Variants in CACNA1C observed in about 807,000 individuals in gnomAD.
CACNA1C encodes calcium voltage-gated channel subunit alpha1 C, also known as voltage-dependent L-type calcium channel subunit alpha-1C.
CACNA1C carries 30 observed loss-of-function variants against 229.0 expected under a neutral mutation model. The observed-to-expected ratio is 0.13, with a 90% confidence interval of 0.10 to 0.18. The LOEUF is 0.18. CACNA1C is among the 10% of genes least tolerant of loss of function. The pLI is 1.00. For missense variants in CACNA1C, 1,658 were observed against 2,845.0 expected, an observed-to-expected ratio of 0.58 and a Z score of 9.49; for synonymous variants, 1,114 against 1,132.5, an observed-to-expected ratio of 0.98 and a Z score of 0.33.
chr12:2,642,444 T>C (rs143816715), intron 30 of CACNA1C, among the ~76,000 whole-genome samples: 131 of 152,292 alleles, frequency 8.6e-4, no homozygotes, highest in Middle Eastern at 6.8e-3. Context: ...AACCTGCTGC[T>C]GGGGTTCTTT....
chr12:2,350,054 C>CCT (rs915196932), intron 3 of CACNA1C, among the ~76,000 whole-genome samples: 9 of 152,168 alleles, frequency 5.9e-5, no homozygotes, highest in African/African-American at 2.2e-4. Context: ...CTATGACACC[C>CCT]CTCTTAGGAG....
At chr12:2,016,030 C>T (rs2045300568) in intron 1 of CACNA1C, among the ~76,000 whole-genome samples, 1 of 152,196 alleles carries the variant, frequency 6.6e-6, no homozygotes, top group Non-Finnish European at 1.5e-5. Flanking sequence ...AGGCAATGCT[C>T]TTTCTACCAG....
chr12:2,361,875 C>G (rs1373994084), intron 3 of CACNA1C, among the ~76,000 whole-genome samples: 1 of 152,194 alleles, frequency 6.6e-6, no homozygotes, highest in Non-Finnish European at 1.5e-5. Flanking sequence ...TAGACTTTTG[C>G]TATAACATAG....
intron 3 of CACNA1C, among the ~76,000 whole-genome samples, chr12:2,168,058 G>A (rs1566101757): frequency 6.6e-6 from 1 of 152,218 alleles, no homozygotes; most frequent in Non-Finnish European, 1.5e-5. Context: ...GTCAGTTTGT[G>A]TGTGGGGGGG....
chr12:2,675,721 T>A (rs142001882), intron 39 of CACNA1C, among the ~76,000 whole-genome samples: 1 of 152,366 alleles, frequency 6.6e-6, no homozygotes, highest in East Asian at 1.9e-4. Context: ...AATGAAATTA[T>A]GTTCCGAGCC....
chr12:2,072,802 C>T lies in CACNA1C; in HGVS notation c.49+19191C>T, dbSNP rs113555621. Among the ~76,000 whole-genome samples, 14 of 152,186 alleles carry T rather than the reference C, an allele frequency of 9.2e-5. 1 individual carries two copies. Among genetic ancestry groups the T allele is most frequent in the African/African-American group, 2.2e-4 (9 of 41,492 alleles). Reference sequence around the variant, plus strand: ...ATTCTACTACCTTCATTTAGGGAACCGAAGACAGGGCAGACTGTCAGTCAA... The same window carrying T: ...ATTCTACTACCTTCATTTAGGGAACTGAAGACAGGGCAGACTGTCAGTCAA... On this transcript the variant is annotated intron_variant, in intron 1 of 46. Coordinates refer to ENST00000399655, the MANE Select transcript of CACNA1C (RefSeq NM_000719.7).
chr12:2,288,093 C>T (rs895673012), intron 3 of CACNA1C: 1 of 152,114 alleles, frequency 6.6e-6, no homozygotes, highest in Non-Finnish European at 1.5e-5. Context: ...CAAAGGGAAC[C>T]GAGCCCTGCC....
chr12:2,315,143 A>G (rs1457996265), intron 3 of CACNA1C, among the ~76,000 whole-genome samples: 2 of 152,230 alleles, frequency 1.3e-5, no homozygotes, highest in East Asian at 1.9e-4. Context: ...CTTTCCCCCA[A>G]CCCATTCTAT....
rs1229015625 is a variant in CACNA1C, at chr12:2,608,443, G to A, written c.3357-68G>A. On this transcript the variant is annotated intron_variant, in intron 26 of 46. Coordinates refer to ENST00000399655, the MANE Select transcript of CACNA1C (RefSeq NM_000719.7). This position sits in a 1 kb window ranked among gnomAD's most constrained non-coding sequence, Gnocchi z 4.2. The stretch of plus-strand genomic sequence containing the variant: ...GATCCCTGGGATCCCTGGAGCAGTG[G>A]TGCCGTCCTTCCGCAGAGGGGACCC... 8.3e-7 allele frequency: 1 copy of A among 1,209,464 alleles called. No homozygotes were observed. Among genetic ancestry groups the A allele is most frequent in the Non-Finnish European group, 1.2e-6 (1 of 856,330 alleles). 74.9% of individuals were successfully genotyped at this position (1,209,464 alleles called of 1,614,324 possible). A position where few individuals can be genotyped will look rare whatever the true frequency, so the allele number is the denominator to read the frequency against.
At chr12:2,395,560 G>A (rs527934571) in intron 3 of CACNA1C, among the ~76,000 whole-genome samples, 1 of 152,126 alleles carries the variant, frequency 6.6e-6, no homozygotes, top group South Asian at 2.1e-4. Context: ...GACTCAGTGC[G>A]CCCCCAGTGG....
chr12:2,316,496 A>C (rs1346080836), intron 3 of CACNA1C, among the ~76,000 whole-genome samples: 1 of 152,240 alleles, frequency 6.6e-6, no homozygotes, highest in African/African-American at 2.4e-5. Flanking sequence ...CTTCATGCAC[A>C]GCTGAAGCTG....
At chr12:2,118,012 G>A (rs1388185555) in intron 2 of CACNA1C, among the ~76,000 whole-genome samples, 1 of 152,220 alleles carries the variant, frequency 6.6e-6, no homozygotes, top group African/African-American at 2.4e-5. Context: ...CTCAAAAGGC[G>A]ACACAGAGCA....
At chr12:2,153,792 C>T (rs1193508719) in intron 3 of CACNA1C, among the ~76,000 whole-genome samples, 2 of 152,136 alleles carry the variant, frequency 1.3e-5, no homozygotes, top group Non-Finnish European at 2.9e-5. Flanking sequence ...ATGGTGCCTG[C>T]CTTGTCTATT....
rs1285123388 is a variant in CACNA1C, at chr12:2,215,461, C to T, written c.477+95031C>T. On this transcript the variant is annotated intron_variant, in intron 3 of 46. Transcript: ENST00000399655. This position sits in a 1 kb window ranked among gnomAD's most constrained non-coding sequence, Gnocchi z 5.0. ...CTCTGGGTGGGATGCGCTCTCCCTC[C>T]TCCTAGGCTTGGTTCCTCTCCTTCC... Among the ~76,000 whole-genome samples, 1 of 152,164 alleles carries T rather than the reference C, an allele frequency of 6.6e-6. No homozygotes were observed. The highest frequency in any genetic ancestry group is 1.5e-5 in the Non-Finnish European group (1 of 68,036).
At chr12:2,294,863 C>A (rs553327921) in intron 3 of CACNA1C, among the ~76,000 whole-genome samples, 28 of 152,062 alleles carry the variant, frequency 1.8e-4, no homozygotes, top group Non-Finnish European at 3.4e-4. Flanking sequence ...GGGTGGTCTC[C>A]GTCTGTGTGC....
At chr12:2,567,875 G>A in intron 13 of CACNA1C, 81 bp downstream of exon 13, 1 of 767,758 alleles carries the variant, frequency 1.3e-6, no homozygotes. Flanking sequence ...GCAAGGCCTG[G>A]GTGGGAGGGG....
chr12:2,086,608 A>G (rs1301490867), intron 1 of CACNA1C, among the ~76,000 whole-genome samples: 14 of 152,212 alleles, frequency 9.2e-5, no homozygotes, highest in Admixed American at 6.5e-4. Flanking sequence ...GTGACAGTCC[A>G]GTGCAGTTAC....
At chr12:2,178,690 C>T (rs749584351) in intron 3 of CACNA1C, among the ~76,000 whole-genome samples, 2 of 152,220 alleles carry the variant, frequency 1.3e-5, no homozygotes, top group East Asian at 1.9e-4. Context: ...CCTTTGGAAC[C>T]GCTTGAGTAC....
rs369431476 is a variant in CACNA1C, at chr12:2,170,501, A to G, written c.477+50071A>G. Among the ~76,000 whole-genome samples the G allele has an allele frequency of 5.3e-5, 8 of 152,370 alleles. No individual in the cohort carries two copies. The East Asian group carries it at 1.3e-3, about 26-fold the overall frequency. ...ACTGGGTCTTGGCCCAGGATGGAGA[A>G]TATTCACTAATGAGGCAATTGACTT... On this transcript the variant is annotated intron_variant, in intron 3 of 46. Transcript: ENST00000399655.
Sources: gnomAD v4.1 joint callset for allele counts (sites outside exome capture counted in the v4.1 genomes callset) on GRCh38, gnomAD v4.1.1 for gene constraint, Gnocchi (gnomAD v3.1) non-coding constraint, MANE v1.5 for transcripts, NCBI Gene and HGNC (gene_info 2026-07-23, HGNC 2026-07-21) for gene names.